ENPP6: variants seen among roughly 807,000 people sequenced by gnomAD.
ENPP6 encodes the protein ectonucleotide pyrophosphatase/phosphodiesterase 6, also known as glycerophosphocholine cholinephosphodiesterase ENPP6.
Under a neutral mutation model 42.0 loss-of-function variants are expected in ENPP6, and 32 were observed. The observed-to-expected ratio is 0.76, with a 90% confidence interval of 0.58 to 1.02. The LOEUF (loss-of-function observed/expected upper bound fraction) is 1.02. Ranked by LOEUF, ENPP6 falls within the 50% of genes least tolerant of loss-of-function variation. ENPP6 has a pLI of 0.00. For synonymous variants in ENPP6, 213 were observed against 216.0 expected (o/e 0.99, Z 0.12); for missense variants, 552 against 566.8 (o/e 0.97, Z 0.27).
intron 6 of ENPP6, among the ~76,000 whole-genome samples, chr4:184,099,146 A>G (rs1308063418): frequency 6.6e-6 from 1 of 152,180 alleles, no homozygotes; most frequent in Non-Finnish European, 1.5e-5. Flanking sequence ...CAGGGCTGGG[A>G]TTGGAACCCA....
rs776535499 is a variant in ENPP6, at chr4:184,091,308, T to A, written c.1192A>T (p.Ile398Phe). The A allele has an allele frequency of 6.2e-7, 1 of 1,614,130 alleles. No homozygotes were observed. The highest frequency in any genetic ancestry group is 1.3e-5 in the African/African-American group (1 of 75,048). The change falls in exon 8 of 8, where the codon ATC becomes TTC. Residue 398 changes from isoleucine (I) to phenylalanine (F), a missense_variant. Ile to Phe is a conservative substitution (Grantham distance 21, BLOSUM62 0). This residue lies in a region of ENPP6 where 545 missense variants were observed against 546.3 expected (regional missense o/e 1.00). Coordinates refer to ENST00000296741, the MANE Select transcript of ENPP6 (RefSeq NM_153343.4). ...GATCCGTTGTTGGGCAGCGGGGTGA[T>A]GCCCACCACATTGCACATGACATTG... ...VYNVMCNVVG[I>F]TPLPNNGSWS...
At position 184,095,621 on chromosome 4, in the gene ENPP6, T is replaced by C. The variant is rs578232491; in HGVS notation, c.1117+1624A>G. Among the ~76,000 whole-genome samples the C allele has an allele frequency of 1.2e-3, 176 of 151,210 alleles. 1 individual carries two copies. Among genetic ancestry groups the C allele is most frequent in the African/African-American group, 3.7e-3 (152 of 41,160 alleles). On this transcript the variant is annotated intron_variant, in intron 7 of 7. Transcript: ENST00000296741. ...GTTGCAGTGAGCTGAGATGGCACCATTGCACTCCAGACTGGGTGACAAGAA... is the reference window on the plus strand; with the variant it reads ...GTTGCAGTGAGCTGAGATGGCACCACTGCACTCCAGACTGGGTGACAAGAA...
chr4:184,095,757 T>C (rs1178695499), intron 7 of ENPP6, among the ~76,000 whole-genome samples: 1 of 152,126 alleles, frequency 6.6e-6, no homozygotes, highest in East Asian at 1.9e-4. Flanking sequence ...TTCATGATCC[T>C]ATTTCCCTCA....
chr4:184,120,117 C>T (rs965937575), intron 3 of ENPP6, among the ~76,000 whole-genome samples: 2 of 152,142 alleles, frequency 1.3e-5, no homozygotes, highest in Admixed American at 1.3e-4. Context: ...CTCCTCCTTC[C>T]AGGTGGCCCT....
At chr4:184,093,333 T>A (rs1264079579) in intron 7 of ENPP6, among the ~76,000 whole-genome samples, 1 of 152,106 alleles carries the variant, frequency 6.6e-6, no homozygotes, top group Non-Finnish European at 1.5e-5. Context: ...AGAGTAAAAA[T>A]TAGTTTTAAA....
chr4:184,166,681 A>T (rs1339910379), intron 1 of ENPP6, among the ~76,000 whole-genome samples: 3 of 152,232 alleles, frequency 2.0e-5, no homozygotes, highest in Non-Finnish European at 2.9e-5. Flanking sequence ...CTCCCATTTT[A>T]TTGAGTTCTT....
intron 1 of ENPP6, among the ~76,000 whole-genome samples, chr4:184,196,457 A>G (rs1297488603): frequency 1.3e-5 from 2 of 152,254 alleles, no homozygotes; most frequent in African/African-American, 2.4e-5. Context: ...ATGTATGACT[A>G]TGTATGTCAA....
intron 2 of ENPP6, among the ~76,000 whole-genome samples, chr4:184,131,070 A>G (rs1736602085): frequency 1.3e-5 from 2 of 152,234 alleles, no homozygotes; most frequent in African/African-American, 4.8e-5. Flanking sequence ...GAACGTATAC[A>G]GTCAACTTTA....
intron 3 of ENPP6, among the ~76,000 whole-genome samples, chr4:184,122,403 T>TACA (rs1264604567): frequency 1.1e-5 from 1 of 91,630 alleles, no homozygotes; most frequent in Non-Finnish European, 2.5e-5. Flanking sequence ...CACACACTCA[T>TACA]ACACCACCAC....
At chr4:184,110,445 T>C (rs1342424756) in intron 6 of ENPP6, among the ~76,000 whole-genome samples, 2 of 152,206 alleles carry the variant, frequency 1.3e-5, no homozygotes, top group South Asian at 2.1e-4. Flanking sequence ...CAAATCCCTG[T>C]ACCTAATTTT....
In ENPP6 at chr4:184,208,875, G is replaced by C. The variant is rs535666031; in HGVS notation, c.241+8704C>G. On this transcript the variant is annotated intron_variant, in intron 1 of 7. Coordinates refer to ENST00000296741, the MANE Select transcript of ENPP6 (RefSeq NM_153343.4). ...AAGAGAGCAGTGGTTCTCCCAGCAC[G>C]CAGCTGGAGATCTGAGAACGGGCAG... 2.7e-3 allele frequency among the ~76,000 whole-genome samples: 390 copies of C among 143,024 alleles called. 19 individuals are homozygous for C. The highest frequency in any genetic ancestry group is 8.9e-3 in the African/African-American group (349 of 39,320). The allele number at this position is 143,024 out of a possible 152,430, so 93.8% of individuals were successfully genotyped here.
At chr4:184,207,748 C>T (rs552280556) in intron 1 of ENPP6, among the ~76,000 whole-genome samples, 8 of 152,328 alleles carry the variant, frequency 5.3e-5, no homozygotes, top group South Asian at 2.1e-4. Context: ...GGGCCCTACT[C>T]CCTATTCTCT....
chr4:184,144,236 C>T (rs941786474), intron 2 of ENPP6, among the ~76,000 whole-genome samples: 2 of 152,238 alleles, frequency 1.3e-5, no homozygotes, highest in African/African-American at 4.8e-5. Context: ...TGGGTACCTA[C>T]CTGGAGCCCT....
chr4:184,199,190 G>A (rs961445213), intron 1 of ENPP6, among the ~76,000 whole-genome samples: 7 of 152,226 alleles, frequency 4.6e-5, no homozygotes, highest in South Asian at 2.1e-4. Context: ...GAGCCGAGGC[G>A]TCTTCTCTCA....
rs148098219 is a variant in ENPP6 at position 184,145,777 on chromosome 4, G to A, written c.421+7777C>T. ...ACTGCAGCTTGACTGGGAAGCTGAG[G>A]GCAAGTGAATGCAGTTTGAAAACCT... On this transcript the variant is annotated intron_variant, in intron 2 of 7. Coordinates refer to ENST00000296741, the MANE Select transcript of ENPP6 (RefSeq NM_153343.4). Among the ~76,000 whole-genome samples, 30 of 152,314 alleles carry A rather than the reference G, an allele frequency of 2.0e-4. No individual in the cohort carries two copies. In the East Asian group the frequency reaches 5.8e-3, roughly 29 times the overall value.
At chr4:184,142,894 C>T (rs561000837) in intron 2 of ENPP6, among the ~76,000 whole-genome samples, 164 of 152,182 alleles carry the variant, frequency 1.1e-3, no homozygotes, top group Admixed American at 2.5e-3. Context: ...TGCACTTCTT[C>T]CGAGTGGGAC....
At chr4:184,141,607 G>A (rs73007808) in intron 2 of ENPP6, among the ~76,000 whole-genome samples, 3,755 of 152,198 alleles carry the variant, frequency 0.025, 158 homozygotes, top group African/African-American at 0.086. Flanking sequence ...TTAGGGCTCA[G>A]TTTTTAGGAC....
intron 1 of ENPP6, among the ~76,000 whole-genome samples, chr4:184,214,944 C>T (rs1733174475): frequency 6.6e-6 from 1 of 152,154 alleles, no homozygotes; most frequent in Non-Finnish European, 1.5e-5. Context: ...CACATGTATG[C>T]CTCTGTAACA....
chr4:184,152,874 A>T (rs1376859714), intron 2 of ENPP6, among the ~76,000 whole-genome samples: 1 of 151,850 alleles, frequency 6.6e-6, no homozygotes, highest in Non-Finnish European at 1.5e-5. Flanking sequence ...AGTGCTTTCA[A>T]TTCTCTTTTC....
Sources: gnomAD v4.1 joint callset for allele counts (sites outside exome capture counted in the v4.1 genomes callset) on GRCh38, gnomAD v4.1.1 for gene constraint, gnomAD v4.1.1 regional missense constraint, MANE v1.5 for transcripts, NCBI Gene and HGNC (gene_info 2026-07-23, HGNC 2026-07-21) for gene names.